The following CTNNA2 variants were observed in gnomAD, a reference collection of about 807,000 sequenced individuals.
The protein encoded by CTNNA2 is catenin alpha-2.
Under a neutral mutation model 101.0 loss-of-function variants are expected in CTNNA2, and 42 were observed. The ratio of observed to expected loss-of-function variants is 0.42; its 90% CI spans 0.32 to 0.54. The LOEUF (loss-of-function observed/expected upper bound fraction) is 0.54, where lower values mean the gene tolerates loss of function less well. Ranked by LOEUF, CTNNA2 falls within the 20% of genes least tolerant of loss-of-function variation. The probability of loss-of-function intolerance (pLI) is 0.14; values close to 1 mark genes in which losing one functional copy is unlikely to be tolerated. For missense variants in CTNNA2, 871 were observed against 1,223.1 expected, an observed-to-expected ratio of 0.71 and a Z score of 4.29; for synonymous variants, 450 against 456.4, an observed-to-expected ratio of 0.99 and a Z score of 0.18.
chr2:79,628,702 A>T (rs1461706394), intron 1 of CTNNA2, among the ~76,000 whole-genome samples: 1 of 152,084 alleles, frequency 6.6e-6, no homozygotes, highest in Non-Finnish European at 1.5e-5. Context: ...CCTTAATGGA[A>T]TTTTTCTCCT....
intron 3 of CTNNA2, among the ~76,000 whole-genome samples, chr2:79,331,091 T>G (rs1474463902): frequency 1.3e-5 from 2 of 152,212 alleles, no homozygotes; most frequent in African/African-American, 4.8e-5. Flanking sequence ...TCAAGATTTT[T>G]TTCTCTTTTG....
At chr2:80,545,573 T>G (rs1558571496) in intron 10 of CTNNA2, among the ~76,000 whole-genome samples, 1 of 152,226 alleles carries the variant, frequency 6.6e-6, no homozygotes, top group East Asian at 1.9e-4. Context: ...GTTCCATATC[T>G]ATTTACCTTG....
At chr2:79,988,466 A>ATGTGTGTGTGTG (rs70940067) in intron 7 of CTNNA2, among the ~76,000 whole-genome samples, 61 of 149,128 alleles carry the variant, frequency 4.1e-4, no homozygotes, top group African/African-American at 1.0e-3. Context: ...GTGTATGTGT[A>ATGTGTGTGTGTG]TGTGTGTGTG....
chr2:79,631,836 C>G (rs1204482602), intron 1 of CTNNA2, among the ~76,000 whole-genome samples: 1 of 152,174 alleles, frequency 6.6e-6, no homozygotes, highest in Non-Finnish European at 1.5e-5. Context: ...ATGCCTCACC[C>G]TAGCTTTTGT....
chr2:79,457,927 C>G (rs1452876938), intron 4 of CTNNA2, among the ~76,000 whole-genome samples: 1 of 152,212 alleles, frequency 6.6e-6, no homozygotes, highest in African/African-American at 2.4e-5. Context: ...AGCTAGTTCT[C>G]TCTAGCCACT....
At chr2:80,194,313 A>G (rs2149003179) in intron 7 of CTNNA2, among the ~76,000 whole-genome samples, 1 of 152,328 alleles carries the variant, frequency 6.6e-6, no homozygotes, top group South Asian at 2.1e-4. Context: ...CCGTCATGCC[A>G]AGAGAGCAGT....
chr2:79,202,757 G>C (rs1311400062), intron 2 of CTNNA2, among the ~76,000 whole-genome samples: 1 of 98,808 alleles, frequency 1.0e-5, no homozygotes, highest in Admixed American at 1.1e-4. Context: ...TGTTTGTTTT[G>C]TCTTTACTAC....
intron 7 of CTNNA2, among the ~76,000 whole-genome samples, 161 bp from the exon 8 acceptor site, chr2:80,393,050 C>A (rs936260131): frequency 2.0e-5 from 3 of 152,092 alleles, no homozygotes; most frequent in African/African-American, 7.2e-5. Context: ...TCAGGAAAAA[C>A]CAACTTTAGA....
chr2:79,995,792 G>T (rs1692498631), intron 7 of CTNNA2, among the ~76,000 whole-genome samples: 1 of 152,140 alleles, frequency 6.6e-6, no homozygotes, highest in Non-Finnish European at 1.5e-5. Context: ...ACTCCAGCCT[G>T]GGCAACCGAG....
At chr2:79,413,026 A>C (rs1678434721) in intron 4 of CTNNA2, among the ~76,000 whole-genome samples, 1 of 152,046 alleles carries the variant, frequency 6.6e-6, no homozygotes, top group South Asian at 2.1e-4. Context: ...AAAAACTCTT[A>C]ATTTGTCTTA....
intron 7 of CTNNA2, among the ~76,000 whole-genome samples, chr2:79,930,828 G>T (rs901437124): frequency 2.6e-5 from 4 of 152,158 alleles, no homozygotes; most frequent in African/African-American, 4.8e-5. Flanking sequence ...GTATGTTTCT[G>T]TTGAAGGTAC....
At position 79,257,675 on chromosome 2, in the gene CTNNA2, G is replaced by T. The variant is rs1048825717; in HGVS notation, c.-405-55034G>T. On this transcript the variant is annotated intron_variant, in intron 2 of 21. Transcript: ENST00000466387. ...AAAATGGGATTTAAGAAGATTAAAA[G>T]AACAAGTAATTGAGAGGAAGAGAAG... Among the ~76,000 whole-genome samples the T allele has an allele frequency of 7.2e-5, 11 of 151,990 alleles. 1 individual carries two copies. In the East Asian group the frequency reaches 1.9e-3, roughly 27 times the overall value.
chr2:80,179,979 A>G (rs1002896195), intron 7 of CTNNA2, among the ~76,000 whole-genome samples: 1 of 152,168 alleles, frequency 6.6e-6, no homozygotes, highest in Non-Finnish European at 1.5e-5. Context: ...AAACTTCATT[A>G]ATTACTTGAC....
chr2:80,333,399 T>C (rs967535806), intron 7 of CTNNA2, among the ~76,000 whole-genome samples: 1 of 152,138 alleles, frequency 6.6e-6, no homozygotes, highest in Non-Finnish European at 1.5e-5. Flanking sequence ...TGCTCTAGAG[T>C]ACTTATAGTT....
chr2:79,414,244 A>G (rs1038410310), intron 4 of CTNNA2, among the ~76,000 whole-genome samples: 1 of 151,974 alleles, frequency 6.6e-6, no homozygotes, highest in Non-Finnish European at 1.5e-5. Context: ...CTGAGTTACA[A>G]TCTAAGGCTA....
At chr2:79,589,575 A>T (rs1676712149) in intron 1 of CTNNA2, among the ~76,000 whole-genome samples, 1 of 152,166 alleles carries the variant, frequency 6.6e-6, no homozygotes, top group East Asian at 1.9e-4. Flanking sequence ...AGCTAAAAAC[A>T]TGAGAAGTTG....
chr2:80,342,089 G>A lies in CTNNA2; in HGVS notation c.1057-51122G>A, dbSNP rs116314335. 8.4e-3 allele frequency among the ~76,000 whole-genome samples: 1,273 copies of A among 152,230 alleles called. 15 individuals are homozygous for A. Among genetic ancestry groups the A allele is most frequent in the African/African-American group, 0.028 (1,175 of 41,538 alleles). On this transcript the variant is annotated intron_variant, in intron 7 of 18. Transcript: ENST00000402739. ...ATCTAGAGACAGAAAGTAGATTAGT[G>A]ACTGTCTATGGCTGGAGGAAAGGGT...
At chr2:79,338,643 C>CTTCTTCTTCTTCTTCTT (rs1558634030) in intron 3 of CTNNA2, among the ~76,000 whole-genome samples, 1 of 145,436 alleles carries the variant, frequency 6.9e-6, no homozygotes, top group Non-Finnish European at 1.5e-5. Context: ...TCTTCTTCTT[C>CTTCTTCTTCTTCTTCTT]AAAGATTCCT....
intron 7 of CTNNA2, among the ~76,000 whole-genome samples, chr2:80,007,468 GGA>G (rs1365797808): frequency 6.6e-6 from 1 of 152,020 alleles, no homozygotes; most frequent in African/African-American, 2.4e-5. Flanking sequence ...TGGTGTTTTT[GGA>G]GAGACTGACT....
Sources: allele counts gnomAD v4.1 joint callset (sites outside exome capture counted in the v4.1 genomes callset), GRCh38; gene constraint gnomAD v4.1.1; transcripts MANE v1.5; gene names NCBI Gene and HGNC (gene_info 2026-07-23, HGNC 2026-07-21).